The following NEGR1 variants were observed in gnomAD, a reference collection of about 807,000 sequenced individuals.
NEGR1 encodes IgLON family member 4.
In NEGR1, 10 loss-of-function variants were observed where a neutral mutation model predicts 40.9. That is an observed-to-expected ratio of 0.24 (90% CI 0.15 to 0.42). The LOEUF is 0.42. Ranked by LOEUF, NEGR1 falls within the 10% of genes least tolerant of loss-of-function variation. The pLI, the probability that NEGR1 is intolerant of heterozygous loss-of-function variation, is 1.00. For missense variants in NEGR1, 352 were observed against 438.9 expected, an observed-to-expected ratio of 0.80 and a Z score of 1.77; for synonymous variants, 185 against 166.8, an observed-to-expected ratio of 1.11 and a Z score of -0.84.
In NEGR1 at chr1:71,947,453, CAACA is replaced by C. The variant is rs562844347; in HGVS notation, c.177-12146_177-12143del. 2.5e-3 allele frequency among the ~76,000 whole-genome samples: 387 copies of C among 152,172 alleles called. 1 individual carries two copies. The highest frequency in any genetic ancestry group is 9.0e-3 in the African/African-American group (373 of 41,528). On this transcript the variant is annotated intron_variant, in intron 1 of 6. Coordinates refer to ENST00000357731, the MANE Select transcript of NEGR1 (RefSeq NM_173808.3). ...ATTCTTCAACTTGATGAGAGGGATA[CAACA>C]AACAATTACAGGAATCTCACCCAAA...
chr1:72,048,082 C>T (rs901894452), intron 1 of NEGR1, among the ~76,000 whole-genome samples: 1 of 151,526 alleles, frequency 6.6e-6, no homozygotes, highest in South Asian at 2.1e-4. Flanking sequence ...CTCCAATAGC[C>T]TTTCTATTTC....
intron 1 of NEGR1, among the ~76,000 whole-genome samples, chr1:71,948,152 G>A (rs1358029427): frequency 6.6e-6 from 1 of 151,322 alleles, no homozygotes; most frequent in Non-Finnish European, 1.5e-5. Flanking sequence ...CTTAAATTCT[G>A]TTAAAACAAC....
At chr1:71,740,151 A>C (rs1655170573) in intron 3 of NEGR1, among the ~76,000 whole-genome samples, 1 of 152,194 alleles carries the variant, frequency 6.6e-6, no homozygotes, top group Admixed American at 6.5e-5. Context: ...GTTCTACAAC[A>C]TAGCTGTTTA....
At chr1:71,671,580 T>C (rs1472647703) in intron 4 of NEGR1, among the ~76,000 whole-genome samples, 1 of 152,210 alleles carries the variant, frequency 6.6e-6, no homozygotes, top group East Asian at 1.9e-4. Flanking sequence ...TTATTGTTCA[T>C]AAGCCAGCCA....
At chr1:72,214,172 A>C (rs2100468175) in intron 1 of NEGR1, among the ~76,000 whole-genome samples, 1 of 152,226 alleles carries the variant, frequency 6.6e-6, no homozygotes, top group Admixed American at 6.6e-5. Flanking sequence ...ACACCCCTTC[A>C]TGATAAAAAC....
chr1:71,846,210 C>G (rs970582491), intron 2 of NEGR1, among the ~76,000 whole-genome samples: 10 of 152,108 alleles, frequency 6.6e-5, no homozygotes, highest in African/African-American at 2.2e-4. Flanking sequence ...AAGTTTCCCC[C>G]CCAACCTAAT....
intron 4 of NEGR1, among the ~76,000 whole-genome samples, chr1:71,672,295 T>C (rs553462413): frequency 6.6e-6 from 1 of 152,276 alleles, no homozygotes; most frequent in East Asian, 1.9e-4. Context: ...TTAAATTAGA[T>C]AAAATTATTG....
chr1:71,543,555 A>G (rs1408826506), intron 6 of NEGR1, among the ~76,000 whole-genome samples: 1 of 151,744 alleles, frequency 6.6e-6, no homozygotes, highest in Non-Finnish European at 1.5e-5. Flanking sequence ...CAACAGAAAG[A>G]AAACATAATG....
intron 2 of NEGR1, among the ~76,000 whole-genome samples, chr1:71,809,971 C>A (rs1657931882): frequency 6.6e-6 from 1 of 152,076 alleles, no homozygotes; most frequent in Non-Finnish European, 1.5e-5. Flanking sequence ...TGGTAATTGT[C>A]TCTTAAAAGA....
chr1:71,632,043 T>C (rs1348619329), intron 4 of NEGR1, among the ~76,000 whole-genome samples: 1 of 151,626 alleles, frequency 6.6e-6, no homozygotes, highest in African/African-American at 2.4e-5. Flanking sequence ...GTAAATGAGG[T>C]AATTTATATA....
intron 6 of NEGR1, 73 bp downstream of exon 6, chr1:71,592,744 T>TTTTATCTCTAC (rs1169302580): frequency 2.5e-6 from 3 of 1,191,254 alleles, no homozygotes; most frequent in Non-Finnish European, 2.4e-6. Context: ...ACTCCATTCT[T>TTTTATCTCTAC]AGGTTTTATC....
At chr1:72,156,691 A>G (rs1651368367) in intron 1 of NEGR1, among the ~76,000 whole-genome samples, 1 of 152,148 alleles carries the variant, frequency 6.6e-6, no homozygotes, top group African/African-American at 2.4e-5. Context: ...TTCATTTCAT[A>G]ATTTCTGCCC....
chr1:72,163,751 T>C (rs1651673414), intron 1 of NEGR1, among the ~76,000 whole-genome samples: 2 of 125,950 alleles, frequency 1.6e-5, no homozygotes, highest in Non-Finnish European at 3.3e-5. Context: ...GATAGATAGA[T>C]AGATAGATAG....
Position 72,025,171 on chromosome 1 carries a change from T to C in NEGR1, c.177-89860A>G, listed in dbSNP as rs570799108. Reference sequence around the variant, plus strand: ...GATATAGCTAAGTTTTTACGTCTTATATAGTATAACGTTTACATTGACTCC... The same window carrying C: ...GATATAGCTAAGTTTTTACGTCTTACATAGTATAACGTTTACATTGACTCC... On this transcript the variant is annotated intron_variant, in intron 1 of 6. Transcript: ENST00000357731. 8.4e-4 allele frequency among the ~76,000 whole-genome samples: 128 copies of C among 152,304 alleles called. 1 individual carries two copies. Among genetic ancestry groups the C allele is most frequent in the Non-Finnish European group, 1.3e-4 (9 of 68,012 alleles).
At chr1:72,111,991 T>C (rs942446632) in intron 1 of NEGR1, among the ~76,000 whole-genome samples, 1 of 151,910 alleles carries the variant, frequency 6.6e-6, no homozygotes, top group Non-Finnish European at 1.5e-5. Flanking sequence ...TAAGTTCTTA[T>C]AGTAATTCTG....
At chr1:71,972,993 A>C (rs565266050) in intron 1 of NEGR1, among the ~76,000 whole-genome samples, 1 of 152,312 alleles carries the variant, frequency 6.6e-6, no homozygotes, top group South Asian at 2.1e-4. Flanking sequence ...TGAACATATA[A>C]ATGCATATTG....
intron 4 of NEGR1, among the ~76,000 whole-genome samples, chr1:71,616,468 T>C (rs554022791): frequency 6.6e-6 from 1 of 152,352 alleles, no homozygotes; most frequent in Non-Finnish European, 1.5e-5. Context: ...AAATACAGAC[T>C]AATGTTAACA....
At chr1:72,077,749 G>A (rs1371919747) in intron 1 of NEGR1, among the ~76,000 whole-genome samples, 2 of 152,038 alleles carry the variant, frequency 1.3e-5, no homozygotes, top group Non-Finnish European at 2.9e-5. Flanking sequence ...GGAGGTTGAG[G>A]CTGCAGTAAG....
At chr1:71,777,158 C>T (rs2101719348) in intron 2 of NEGR1, among the ~76,000 whole-genome samples, 1 of 152,224 alleles carries the variant, frequency 6.6e-6, no homozygotes, top group South Asian at 2.1e-4. Flanking sequence ...CCAAATGTCT[C>T]ATTGAATCCT....
Sources: gnomAD v4.1 joint callset for allele counts (sites outside exome capture counted in the v4.1 genomes callset) on GRCh38, gnomAD v4.1.1 for gene constraint, MANE v1.5 for transcripts, NCBI Gene and HGNC (gene_info 2026-07-23, HGNC 2026-07-21) for gene names.